Variants in SH3D21 observed in about 807,000 individuals in gnomAD.
SH3D21 encodes the protein manchette microtubule inner protein 1, also known as SH3 domain-containing protein 21.
SH3D21 carries 83 observed loss-of-function variants against 82.1 expected under a neutral mutation model. The observed-to-expected ratio is 1.01, with a 90% confidence interval of 0.85 to 1.21. The LOEUF is 1.21. Ranked by LOEUF, SH3D21 falls within the 50% of genes most tolerant of loss-of-function variation. SH3D21 has a pLI of 0.00. For missense variants in SH3D21, 980 were observed against 962.1 expected (o/e 1.02, Z -0.25); for synonymous variants, 383 against 387.8 (o/e 0.99, Z 0.15).
At chr1:36,308,026 G>C (rs370714006) in intron 7 of SH3D21, 63 bp downstream of exon 7, 2 of 1,550,162 alleles carry the variant, frequency 1.3e-6, no homozygotes, top group South Asian at 1.2e-5. Flanking sequence ...GACTTGGTGG[G>C]CCAGCTAGGC....
chr1:36,321,434 G>A (rs978601496), downstream of SH3D21: 5 of 1,209,606 alleles, frequency 4.1e-6, no homozygotes, highest in African/African-American at 6.2e-5. The surrounding 1 kb of genome is among the most constrained non-coding windows in gnomAD (Gnocchi z 6.1). Context: ...GCGCACTGGA[G>A]AAATGGCGGG....
At chr1:36,316,927 A>T (rs1646355691) in intron 10 of SH3D21, among the ~76,000 whole-genome samples, 1 of 152,046 alleles carries the variant, frequency 6.6e-6, no homozygotes, top group African/African-American at 2.4e-5. Flanking sequence ...TACAGGCGTG[A>T]GCCACTGGGA....
In SH3D21 at chr1:36,320,048, C is replaced by G. The variant is rs780444619; in HGVS notation, c.1385C>G (p.Pro462Arg). The G allele has an allele frequency of 1.2e-6, 2 of 1,614,146 alleles. No individual in the cohort carries two copies. Among genetic ancestry groups the G allele is most frequent in the Non-Finnish European group, 1.7e-6 (2 of 1,180,026 alleles). ...SVEESPALEA[P>R]PMDKVPNPKM... ...GAAGAGTCCCCTGCCCTAGAAGCCC[C>G]ACCTATGGATAAAGTCCCTAATCCA... Residue 462 changes from proline to arginine, a missense_variant, in exon 14 of 16, where the codon CCA becomes CGA. Coordinates refer to ENST00000453908, the MANE Select transcript of SH3D21 (RefSeq NM_001162530.2).
rs377037229 is a variant in SH3D21, at chr1:36,319,487, G to A, written c.962G>A (p.Arg321Gln). 1.4e-5 allele frequency: 22 copies of A among 1,551,492 alleles called. No individual in the cohort carries two copies. The highest frequency in any genetic ancestry group is 1.2e-4 in the South Asian group (10 of 84,056). ...AGTGGGGGTTCGTATCACCCTGGCC[G>A]AAAGCGATCCAAAACCCAGACTCCC... ...FQSGGSYHPG[R>Q]KRSKTQTPQQ... The change falls in exon 13 of 16, where the codon CGA (arginine) becomes CAA (glutamine). Residue 321 changes from arginine (R) to glutamine (Q), a missense_variant. Arg to Gln is a conservative substitution (Grantham distance 43). Coordinates refer to ENST00000453908, the MANE Select transcript of SH3D21 (RefSeq NM_001162530.2).
In SH3D21 at chr1:36,321,329, G is replaced by T; in HGVS notation, c.*202G>T. On this transcript the variant is annotated 3_prime_UTR_variant, in exon 16 of 16. Coordinates refer to ENST00000453908, the MANE Select transcript of SH3D21 (RefSeq NM_001162530.2). This position sits in a 1 kb window ranked among gnomAD's most constrained non-coding sequence, Gnocchi z 6.1. ...CCTCCCAGGCACATCTGGCCAACATGTGGCTCCCATTACCGTTCCCAAGGC... is the reference window on the plus strand; with the variant it reads ...CCTCCCAGGCACATCTGGCCAACATTTGGCTCCCATTACCGTTCCCAAGGC... 7.0e-7 allele frequency: 1 copy of T among 1,429,418 alleles called. No homozygotes were observed. The allele number at this position is 1,429,418 out of a possible 1,614,324, so 88.5% of individuals were successfully genotyped here. A position where few individuals can be genotyped will look rare whatever the true frequency, so the allele number is the denominator to read the frequency against.
At chr1:36,327,178 T>A (rs555526197), downstream of SH3D21, among the ~76,000 whole-genome samples, 3 of 56,370 alleles carry the variant, frequency 5.3e-5, no homozygotes, top group East Asian at 2.5e-3. Flanking sequence ...GAGGTGAAGA[T>A]GAGGCCAGAA....
At chr1:36,314,166 G>A (rs891249105) in intron 10 of SH3D21, among the ~76,000 whole-genome samples, 1 of 150,260 alleles carries the variant, frequency 6.7e-6, no homozygotes, top group African/African-American at 2.4e-5. Context: ...TAGTAGAGAC[G>A]GGGTTTCACT....
chr1:36,326,717 G>A (rs796863068), downstream of SH3D21, among the ~76,000 whole-genome samples: 3 of 152,302 alleles, frequency 2.0e-5, no homozygotes, highest in African/African-American at 4.8e-5. Flanking sequence ...CAGTGAGGGC[G>A]GGGCCGGTGG....
downstream of SH3D21, chr1:36,323,120 C>T: frequency 6.8e-7 from 1 of 1,464,588 alleles, no homozygotes; most frequent in Non-Finnish European, 9.2e-7. Context: ...CCACCCCGAC[C>T]CCTTCCGCGG....
downstream of SH3D21, chr1:36,321,818 G>T (rs531962893): frequency 3.0e-6 from 3 of 1,011,938 alleles, no homozygotes; most frequent in African/African-American, 5.2e-5. The surrounding 1 kb of genome is among the most constrained non-coding windows in gnomAD (Gnocchi z 6.1). Context: ...GCGCGCGCTT[G>T]CTCTGTGTGT....
Position 36,306,446 on chromosome 1 carries a change from T to A in SH3D21, c.4+22T>A, listed in dbSNP as rs1353747637. The stretch of plus-strand genomic sequence containing the variant: ...ATGGGTAAGTGCGGAGGCTTTGAGG[T>A]GGCCTCTCTCTGCAACCGTGGACAT... On this transcript the variant is annotated intron_variant, in intron 1 of 15. Coordinates refer to ENST00000453908, the MANE Select transcript of SH3D21 (RefSeq NM_001162530.2). The surrounding 1 kb of genome is among the most constrained non-coding windows in gnomAD (Gnocchi z 4.5). The A allele has an allele frequency of 7.7e-7, 1 of 1,305,208 alleles. No homozygotes were observed. 80.9% of individuals were successfully genotyped at this position (1,305,208 alleles called of 1,614,324 possible). A position where few individuals can be genotyped will look rare whatever the true frequency, so the allele number is the denominator to read the frequency against.
In SH3D21 at chr1:36,307,241, G is replaced by C; in HGVS notation, c.301G>C (p.Glu101Gln). ...NFSYSPEQAD[E>Q]LKLQAGEIVE... ...CAGCTACAGCCCAGAGCAGGCGGAC[G>C]AGCTGAAGCTGCAAGCTGGGGAGAT... The change falls in exon 4 of 16, where the codon GAG (glutamate) becomes CAG (glutamine). Residue 101 changes from glutamate to glutamine, a missense_variant. Physicochemically the swap from Glu to Gln is conservative, Grantham distance 29. Transcript: ENST00000453908. The surrounding 1 kb of genome is among the most constrained non-coding windows in gnomAD (Gnocchi z 5.4). 6.4e-7 allele frequency: 1 copy of C among 1,551,838 alleles called. No individual in the cohort carries two copies. Among genetic ancestry groups the C allele is most frequent in the Non-Finnish European group, 8.7e-7 (1 of 1,147,028 alleles).
At position 36,320,334 on chromosome 1, in the gene SH3D21, G is replaced by C. The variant is rs757618705; in HGVS notation, c.1671G>C (p.Gly557=). 13 of 1,613,072 alleles carry C rather than the reference G, an allele frequency of 8.1e-6. No individual in the cohort carries two copies. The highest frequency in any genetic ancestry group is 1.7e-5 in the Admixed American group (1 of 59,982). The part of the protein sequence containing the change: ...LGEMKCTLVR[G]DSSPRQAELK... The stretch of plus-strand genomic sequence containing the variant: ...AGATGAAATGTACCCTAGTTAGAGG[G>C]GACAGCTCCCCACGCCAGGCTGAGT... Residue 557 remains glycine (G), a synonymous_variant, in exon 14 of 16, where the codon GGG becomes GGC. Coordinates refer to ENST00000453908, the MANE Select transcript of SH3D21 (RefSeq NM_001162530.2).
chr1:36,306,923 G>A lies in SH3D21; in HGVS notation c.226+18G>A, dbSNP rs1386020801. ...CCGCCGAGGTGAGCGCAAGGGCGGG[G>A]ACGGGCGCCGGTGGGCGGGTGCACG... On this transcript the variant is annotated intron_variant, in intron 3 of 15. Coordinates refer to ENST00000453908, the MANE Select transcript of SH3D21 (RefSeq NM_001162530.2). This position sits in a 1 kb window ranked among gnomAD's most constrained non-coding sequence, Gnocchi z 4.5. 2 of 1,323,704 alleles carry A rather than the reference G, an allele frequency of 1.5e-6. No individual in the cohort carries two copies. The allele number at this position is 1,323,704 out of a possible 1,614,324, so 82.0% of individuals were successfully genotyped here.
downstream of SH3D21, among the ~76,000 whole-genome samples, chr1:36,325,960 G>C (rs1361447546): frequency 6.6e-6 from 1 of 152,232 alleles, no homozygotes; most frequent in African/African-American, 2.4e-5. Context: ...ATGCTTCTAA[G>C]TGCTGGGGGG....
Position 36,320,646 on chromosome 1 carries a change from G to T in SH3D21, c.1983G>T (p.Lys661Asn), listed in dbSNP as rs1252182825. ...RAFAQKTRPIKPPPDSQETLA... is the reference protein window; with the variant it reads ...RAFAQKTRPINPPPDSQETLA... ...TTGCCCAAAAAACACGTCCTATCAA[G>T]CCGCCTCCAGACTCCCAAGAGACGC... The change falls in exon 14 of 16, where the codon AAG becomes AAT. Residue 661 changes from lysine to asparagine, a missense_variant. Physicochemically the swap from Lys to Asn is moderately conservative, Grantham distance 94. Transcript: ENST00000453908. 6.2e-7 allele frequency: 1 copy of T among 1,614,140 alleles called. No individual in the cohort carries two copies. Among genetic ancestry groups the T allele is most frequent in the Non-Finnish European group, 8.5e-7 (1 of 1,180,052 alleles).
chr1:36,306,968 GT>G lies in SH3D21; in HGVS notation c.226+64del. 7.4e-7 allele frequency: 1 copy of G among 1,356,524 alleles called. No individual in the cohort carries two copies. The highest frequency in any genetic ancestry group is 9.5e-7 in the Non-Finnish European group (1 of 1,047,148). 84.0% of individuals were successfully genotyped at this position (1,356,524 alleles called of 1,614,324 possible). A position where few individuals can be genotyped will look rare whatever the true frequency, so the allele number is the denominator to read the frequency against. On this transcript the variant is annotated intron_variant, in intron 3 of 15. Transcript: ENST00000453908. This position sits in a 1 kb window ranked among gnomAD's most constrained non-coding sequence, Gnocchi z 4.5. ...TGCACGGAGCCAGTGCGACCCCGGCGTCTCCGGCTCTTAGTGACGGGCGCGG... is the reference window on the plus strand; with the variant it reads ...TGCACGGAGCCAGTGCGACCCCGGCGCTCCGGCTCTTAGTGACGGGCGCGG...
At chr1:36,328,281 C>T (rs776262046), downstream of SH3D21, 9 of 382,684 alleles carry the variant, frequency 2.4e-5, no homozygotes, top group South Asian at 7.7e-5. Flanking sequence ...GCTCTGCTCC[C>T]GGCCCCAGTG....
At chr1:36,322,765 G>T (rs896463343), downstream of SH3D21, 2 of 1,533,314 alleles carry the variant, frequency 1.3e-6, no homozygotes, top group Non-Finnish European at 1.8e-6. Context: ...AGGCCCGGAC[G>T]GGTGGGGGTT....
Sources: gnomAD v4.1 joint callset for allele counts (sites outside exome capture counted in the v4.1 genomes callset) on GRCh38, gnomAD v4.1.1 for gene constraint, Gnocchi (gnomAD v3.1) non-coding constraint, MANE v1.5 for transcripts, NCBI Gene and HGNC (gene_info 2026-07-23, HGNC 2026-07-21) for gene names.